Variants in DERA observed in about 807,000 individuals in gnomAD.
The protein encoded by DERA is 2-deoxy-D-ribose 5-phosphate aldolase.
A neutral mutation model predicts 41.1 loss-of-function variants in DERA; 15 were observed. The ratio of observed to expected loss-of-function variants is 0.37; its 90% CI spans 0.24 to 0.56. DERA has a LOEUF of 0.56. DERA is among the 20% of genes least tolerant of loss of function. The probability of loss-of-function intolerance (pLI) is 0.81; values close to 1 mark genes in which losing one functional copy is unlikely to be tolerated. For missense variants in DERA, 396 were observed against 403.4 expected (o/e 0.98, Z 0.16); for synonymous variants, 139 against 137.4 (o/e 1.01, Z -0.08).
At position 16,000,016 on chromosome 12, in the gene DERA, G is replaced by C. The variant is rs1948863961; in HGVS notation, c.637+17580G>C. ...GCTCCTGAACTGAGATGCAATGCAGGCAATGCAGTGGGTATGGAGCAGAGT... is the reference window on the plus strand; with the variant it reads ...GCTCCTGAACTGAGATGCAATGCAGCCAATGCAGTGGGTATGGAGCAGAGT... On this transcript the variant is annotated intron_variant, in intron 6 of 8. Coordinates refer to ENST00000428559, the MANE Select transcript of DERA (RefSeq NM_015954.4). This position sits in a 1 kb window ranked among gnomAD's most constrained non-coding sequence, Gnocchi z 4.8. Among the ~76,000 whole-genome samples the C allele has an allele frequency of 6.6e-6, 1 of 152,136 alleles. No homozygotes were observed. Among genetic ancestry groups the C allele is most frequent in the Admixed American group, 6.5e-5 (1 of 15,268 alleles).
rs764427459 is a variant in DERA, at chr12:15,940,586, C to T, written c.32-16350C>T. Among the ~76,000 whole-genome samples, 56 of 152,252 alleles carry T rather than the reference C, an allele frequency of 3.7e-4. No homozygotes were observed. The highest frequency in any genetic ancestry group is 3.6e-3 in the Admixed American group (55 of 15,294). On this transcript the variant is annotated intron_variant, in intron 1 of 8. Coordinates refer to ENST00000428559, the MANE Select transcript of DERA (RefSeq NM_015954.4). This position sits in a 1 kb window ranked among gnomAD's most constrained non-coding sequence, Gnocchi z 5.1. The stretch of plus-strand genomic sequence containing the variant: ...CAAGATGGTCTTGATCTCCTGACCT[C>T]GTGATCTGCCCTCCTCGACCTCCCA...
chr12:15,974,018 C>T (rs1948681397), intron 5 of DERA, among the ~76,000 whole-genome samples: 1 of 152,160 alleles, frequency 6.6e-6, no homozygotes, highest in Admixed American at 6.5e-5. Flanking sequence ...TTATAAAGTG[C>T]TATCCCATTT....
intron 1 of DERA, among the ~76,000 whole-genome samples, chr12:15,942,574 A>G (rs1948416271): frequency 6.6e-6 from 1 of 152,228 alleles, no homozygotes; most frequent in Admixed American, 6.5e-5. Context: ...ATTTTTATAC[A>G]TCTGGCTTGC....
At position 16,019,499 on chromosome 12, in the gene DERA, A is replaced by G. The variant is rs371641261; in HGVS notation, c.638-13043A>G. Among the ~76,000 whole-genome samples the G allele has an allele frequency of 3.9e-5, 6 of 152,296 alleles. No homozygotes were observed. Among genetic ancestry groups the G allele is most frequent in the African/African-American group, 1.4e-4 (6 of 41,558 alleles). ...ATTTTCCTAAGGGATATTTACAGTC[A>G]CATCTTCTAAAACATACATTCATAT... On this transcript the variant is annotated intron_variant, in intron 6 of 8. Coordinates refer to ENST00000428559, the MANE Select transcript of DERA (RefSeq NM_015954.4). This position sits in a 1 kb window ranked among gnomAD's most constrained non-coding sequence, Gnocchi z 4.4.
In DERA at chr12:15,988,587, G is replaced by C. The variant is rs777747865; in HGVS notation, c.637+6151G>C. ...TGCTGATTGGTCCATGGGCGGCCAT[G>C]GATGGGCCTGGAAAAAGCACCATCG... On this transcript the variant is annotated intron_variant, in intron 6 of 8. Coordinates refer to ENST00000428559, the MANE Select transcript of DERA (RefSeq NM_015954.4). The surrounding 1 kb of genome is among the most constrained non-coding windows in gnomAD (Gnocchi z 6.0). 3.3e-5 allele frequency among the ~76,000 whole-genome samples: 5 copies of C among 152,256 alleles called. No individual in the cohort carries two copies. In the East Asian group the frequency reaches 9.7e-4, roughly 29 times the overall value.
chr12:15,974,807 A>T (rs1948686411), intron 5 of DERA, among the ~76,000 whole-genome samples: 1 of 152,058 alleles, frequency 6.6e-6, no homozygotes, highest in Non-Finnish European at 1.5e-5. Flanking sequence ...TCTATACTTA[A>T]GAGTTGGCAT....
chr12:15,952,134 C>T (rs10772884), intron 1 of DERA, among the ~76,000 whole-genome samples: 33,618 of 152,082 alleles, frequency 0.22, 4,003 homozygotes, highest in Admixed American at 0.33. Flanking sequence ...CTCCTGACCT[C>T]GTGATCCGCC....
At position 15,990,549 on chromosome 12, in the gene DERA, A is replaced by C. The variant is rs2136167312; in HGVS notation, c.637+8113A>C. 6.6e-6 allele frequency among the ~76,000 whole-genome samples: 1 copy of C among 152,242 alleles called. No individual in the cohort carries two copies. ...TGTTGTACAGATTATTTCCTTACCC[A>C]GATGTTAATCTGAGTATCCATTTGT... On this transcript the variant is annotated intron_variant, in intron 6 of 8. Coordinates refer to ENST00000428559, the MANE Select transcript of DERA (RefSeq NM_015954.4). This position sits in a 1 kb window ranked among gnomAD's most constrained non-coding sequence, Gnocchi z 4.3.
At chr12:15,951,692 TC>T in intron 1 of DERA, among the ~76,000 whole-genome samples, 1 of 152,210 alleles carries the variant, frequency 6.6e-6, no homozygotes, top group East Asian at 1.9e-4. Flanking sequence ...AGGAATATAA[TC>T]TTACCTCTGA....
intron 1 of DERA, among the ~76,000 whole-genome samples, chr12:15,925,311 C>T (rs1948273764): frequency 6.6e-6 from 1 of 152,132 alleles, no homozygotes. Context: ...TTCTCTTATT[C>T]CTCTTGTTCC....
At chr12:16,007,499 T>C (rs1160217102) in intron 6 of DERA, among the ~76,000 whole-genome samples, 2 of 152,238 alleles carry the variant, frequency 1.3e-5, no homozygotes, top group Non-Finnish European at 2.9e-5. Flanking sequence ...ACATTATTCT[T>C]CATTAAAGCT....
At position 15,990,346 on chromosome 12, in the gene DERA, C is replaced by T. The variant is rs1233088161; in HGVS notation, c.637+7910C>T. ...GCCTCTGTATTCAAAAAGAAAGGTACAAAAGAATGATTAATTGAGAATCAC... is the reference window on the plus strand; with the variant it reads ...GCCTCTGTATTCAAAAAGAAAGGTATAAAAGAATGATTAATTGAGAATCAC... On this transcript the variant is annotated intron_variant, in intron 6 of 8. Transcript: ENST00000428559. This position sits in a 1 kb window ranked among gnomAD's most constrained non-coding sequence, Gnocchi z 4.3. Among the ~76,000 whole-genome samples, 2 of 152,230 alleles carry T rather than the reference C, an allele frequency of 1.3e-5. No individual in the cohort carries two copies. The highest frequency in any genetic ancestry group is 1.9e-4 in the East Asian group (1 of 5,184).
intron 6 of DERA, among the ~76,000 whole-genome samples, chr12:16,005,126 G>T (rs1948900498): frequency 6.6e-6 from 1 of 152,132 alleles, no homozygotes; most frequent in Admixed American, 6.6e-5. Context: ...GAATGATTTG[G>T]AATACTAGAA....
At chr12:15,987,713 A>G (rs545273667) in intron 6 of DERA, among the ~76,000 whole-genome samples, 1 of 152,082 alleles carries the variant, frequency 6.6e-6, no homozygotes, top group Admixed American at 6.5e-5. Flanking sequence ...ATGGATCTTT[A>G]TTCAAGTTCT....
rs554799748 is a variant in DERA at position 15,982,581 on chromosome 12, T to C, written c.637+145T>C. Reference sequence around the variant, plus strand: ...AGGAATCGGATATTTTGTAAAAACATGTTCAATGTGAAGTGGTCAAAAACT... The same window carrying C: ...AGGAATCGGATATTTTGTAAAAACACGTTCAATGTGAAGTGGTCAAAAACT... On this transcript the variant is annotated intron_variant, in intron 6 of 8. Coordinates refer to ENST00000428559, the MANE Select transcript of DERA (RefSeq NM_015954.4). The surrounding 1 kb of genome is among the most constrained non-coding windows in gnomAD (Gnocchi z 4.0). The C allele has an allele frequency of 7.9e-5, 70 of 887,378 alleles. No homozygotes were observed. The African/African-American group carries it at 1.0e-3, about 13-fold the overall frequency. 55.0% of individuals were successfully genotyped at this position (887,378 alleles called of 1,614,324 possible).
chr12:15,918,440 G>A lies in DERA; in HGVS notation c.31+7026G>A, dbSNP rs1948217020. 6.6e-6 allele frequency among the ~76,000 whole-genome samples: 1 copy of A among 152,146 alleles called. No homozygotes were observed. Among genetic ancestry groups the A allele is most frequent in the Admixed American group, 6.5e-5 (1 of 15,286 alleles). ...GTTTGGCCCACTCTGGGCCATAGTG[G>A]TGCCCCCATTTCAACCCGGCTTGAA... On this transcript the variant is annotated intron_variant, in intron 1 of 8. Coordinates refer to ENST00000428559, the MANE Select transcript of DERA (RefSeq NM_015954.4). This position sits in a 1 kb window ranked among gnomAD's most constrained non-coding sequence, Gnocchi z 4.3.
In DERA at chr12:15,999,867, C is replaced by A. The variant is rs1948863055; in HGVS notation, c.637+17431C>A. ...TATTATGACACCCTCAATCCAGATGCTTTGTAGAAGCAGAGCAGTGATCAG... is the reference window on the plus strand; with the variant it reads ...TATTATGACACCCTCAATCCAGATGATTTGTAGAAGCAGAGCAGTGATCAG... On this transcript the variant is annotated intron_variant, in intron 6 of 8. Coordinates refer to ENST00000428559, the MANE Select transcript of DERA (RefSeq NM_015954.4). This position sits in a 1 kb window ranked among gnomAD's most constrained non-coding sequence, Gnocchi z 5.3. 1.3e-5 allele frequency among the ~76,000 whole-genome samples: 2 copies of A among 152,136 alleles called. No individual in the cohort carries two copies. Among genetic ancestry groups the A allele is most frequent in the Non-Finnish European group, 2.9e-5 (2 of 68,032 alleles).
chr12:16,016,346 G>A (rs1287419590), intron 6 of DERA, among the ~76,000 whole-genome samples: 1 of 152,104 alleles, frequency 6.6e-6, no homozygotes, highest in Non-Finnish European at 1.5e-5. Context: ...TTATTTTGGA[G>A]AACCCATATT....
chr12:15,985,524 A>G lies in DERA; in HGVS notation c.637+3088A>G, dbSNP rs1450087069. Reference sequence around the variant, plus strand: ...TGCTTGTTCATGCTAGGGCTTTGCCAATTTTATTAATCTTTTCAGAGAGCC... The same window carrying G: ...TGCTTGTTCATGCTAGGGCTTTGCCGATTTTATTAATCTTTTCAGAGAGCC... On this transcript the variant is annotated intron_variant, in intron 6 of 8. Coordinates refer to ENST00000428559, the MANE Select transcript of DERA (RefSeq NM_015954.4). This position sits in a 1 kb window ranked among gnomAD's most constrained non-coding sequence, Gnocchi z 4.2. Among the ~76,000 whole-genome samples the G allele has an allele frequency of 6.6e-6, 1 of 151,362 alleles. No homozygotes were observed. Among genetic ancestry groups the G allele is most frequent in the Non-Finnish European group, 1.5e-5 (1 of 67,884 alleles).
Sources: gnomAD v4.1 joint callset for allele counts (sites outside exome capture counted in the v4.1 genomes callset) on GRCh38, gnomAD v4.1.1 for gene constraint, Gnocchi (gnomAD v3.1) non-coding constraint, MANE v1.5 for transcripts, NCBI Gene and HGNC (gene_info 2026-07-23, HGNC 2026-07-21) for gene names.